Variants in CSGALNACT1 observed in about 807,000 individuals in gnomAD.
CSGALNACT1 encodes beta4GalNAcT-1.
Under a neutral mutation model 51.0 loss-of-function variants are expected in CSGALNACT1, and 52 were observed. That is an observed-to-expected ratio of 1.02 (90% CI 0.82 to 1.29). The LOEUF (loss-of-function observed/expected upper bound fraction) is 1.29, where lower values mean the gene tolerates loss of function less well. Ranked by LOEUF, CSGALNACT1 falls within the 50% of genes most tolerant of loss-of-function variation. The pLI is 0.00. For missense variants in CSGALNACT1, 935 were observed against 679.2 expected (o/e 1.38, Z -4.19); for synonymous variants, 341 against 254.4 (o/e 1.34, Z -3.24).
At chr8:19,626,673 C>T (rs1402196688) in intron 1 of CSGALNACT1, among the ~76,000 whole-genome samples, 4 of 152,256 alleles carry the variant, frequency 2.6e-5, no homozygotes. Context: ...CTGCAAAATA[C>T]ATGTCTGACT....
At chr8:19,511,200 G>C (rs867341693) in intron 3 of CSGALNACT1, among the ~76,000 whole-genome samples, 2 of 152,332 alleles carry the variant, frequency 1.3e-5, no homozygotes, top group Non-Finnish European at 1.5e-5. Flanking sequence ...TATTCAAGGA[G>C]TGGCAATAAA....
At chr8:19,409,392 A>G (rs2055128429) in intron 8 of CSGALNACT1, among the ~76,000 whole-genome samples, 1 of 152,182 alleles carries the variant, frequency 6.6e-6, no homozygotes, top group Admixed American at 6.5e-5. Context: ...AGGGCTGCGG[A>G]GAGGCCATCC....
chr8:19,414,191 T>C (rs973713334), intron 8 of CSGALNACT1, among the ~76,000 whole-genome samples: 3 of 152,168 alleles, frequency 2.0e-5, no homozygotes, highest in Admixed American at 1.3e-4. Flanking sequence ...GGTTGTTAAA[T>C]ATTTACCAGC....
chr8:19,723,383 C>T (rs1414506995), intron 1 of CSGALNACT1, among the ~76,000 whole-genome samples: 1 of 152,218 alleles, frequency 6.6e-6, no homozygotes, highest in Non-Finnish European at 1.5e-5. Context: ...TGTAATTACA[C>T]TTACATCATG....
chr8:19,435,666 G>A (rs12675717), intron 6 of CSGALNACT1, among the ~76,000 whole-genome samples: 69,531 of 151,868 alleles, frequency 0.46, 17,434 homozygotes, highest in East Asian at 0.83. Context: ...CTGGGTCCCA[G>A]GAGTCTGCAT....
chr8:19,658,502 G>C (rs555471328), intron 1 of CSGALNACT1, among the ~76,000 whole-genome samples: 5 of 152,194 alleles, frequency 3.3e-5, no homozygotes, highest in Non-Finnish European at 7.3e-5. Flanking sequence ...GGCAGGCCAA[G>C]GCAGGTGGAT....
intron 1 of CSGALNACT1, among the ~76,000 whole-genome samples, chr8:19,703,309 G>T (rs1036486478): frequency 6.6e-6 from 1 of 152,004 alleles, no homozygotes; most frequent in Non-Finnish European, 1.5e-5. Context: ...TGGTTTGTTG[G>T]TTGGTTGGTT....
intron 4 of CSGALNACT1, among the ~76,000 whole-genome samples, chr8:19,470,087 G>A (rs572193000): frequency 4.6e-5 from 7 of 152,246 alleles, no homozygotes; most frequent in African/African-American, 1.4e-4. Context: ...AAATAGAAAT[G>A]GATAATACAG....
At chr8:19,709,824 G>C (rs909446394) in intron 1 of CSGALNACT1, among the ~76,000 whole-genome samples, 1 of 152,132 alleles carries the variant, frequency 6.6e-6, no homozygotes, top group East Asian at 1.9e-4. Flanking sequence ...TGACAGGCAG[G>C]TCAGGTAAGA....
intron 4 of CSGALNACT1, among the ~76,000 whole-genome samples, chr8:19,484,865 G>C (rs2072459354): frequency 6.6e-6 from 1 of 152,094 alleles, no homozygotes; most frequent in African/African-American, 2.4e-5. Context: ...GGACACACAG[G>C]AGAGACACCA....
chr8:19,675,836 G>A (rs536600635), intron 1 of CSGALNACT1, among the ~76,000 whole-genome samples: 5 of 151,916 alleles, frequency 3.3e-5, no homozygotes, highest in Admixed American at 2.6e-4. Flanking sequence ...AAGGTCTCAG[G>A]TTCATCCAAG....
intron 1 of CSGALNACT1, among the ~76,000 whole-genome samples, chr8:19,718,384 G>A (rs1271142482): frequency 2.0e-5 from 3 of 152,118 alleles, no homozygotes; most frequent in Admixed American, 6.5e-5. Context: ...TTACAGGCGT[G>A]AGCCACCGAG....
At chr8:19,528,341 A>G (rs2154050017) in intron 3 of CSGALNACT1, among the ~76,000 whole-genome samples, 1 of 152,044 alleles carries the variant, frequency 6.6e-6, no homozygotes, top group East Asian at 1.9e-4. Context: ...CGGCAAGGTC[A>G]TGTTATTCCG....
At chr8:19,565,383 A>G (rs750480045) in intron 3 of CSGALNACT1, among the ~76,000 whole-genome samples, 1 of 152,350 alleles carries the variant, frequency 6.6e-6, no homozygotes. Flanking sequence ...TACTTGGCAG[A>G]CTACAAAACT....
intron 3 of CSGALNACT1, among the ~76,000 whole-genome samples, chr8:19,525,267 A>T (rs942984900): frequency 2.0e-5 from 3 of 152,246 alleles, no homozygotes; most frequent in African/African-American, 7.2e-5. Flanking sequence ...TCATTGTGGG[A>T]GGCATCATTA....
At chr8:19,553,885 C>T in intron 3 of CSGALNACT1, among the ~76,000 whole-genome samples, 1 of 146,810 alleles carries the variant, frequency 6.8e-6, no homozygotes, top group East Asian at 2.0e-4. Flanking sequence ...AATCACCGAA[C>T]AAGAAAGAAC....
At chr8:19,569,991 G>C (rs1206298321) in intron 3 of CSGALNACT1, among the ~76,000 whole-genome samples, 2 of 152,104 alleles carry the variant, frequency 1.3e-5, no homozygotes, top group African/African-American at 4.8e-5. Flanking sequence ...TTCAAGAGCA[G>C]GCAAAAGTAA....
chr8:19,669,366 T>C lies in CSGALNACT1; in HGVS notation c.-544+13107A>G, dbSNP rs182938358. ...CATCCCGAGATGGAGGACACTATCA[T>C]AAAAACTACAAACATTCAAAGCACA... is the stretch of plus-strand genomic sequence containing the variant. On this transcript the variant is annotated intron_variant, in intron 1 of 9. Coordinates refer to the CSGALNACT1 transcript ENST00000332246. Among the ~76,000 whole-genome samples the C allele has an allele frequency of 6.0e-4, 91 of 152,354 alleles. 1 individual carries two copies. Among genetic ancestry groups the C allele is most frequent in the Admixed American group, 1.9e-3 (29 of 15,306 alleles).
intron 5 of CSGALNACT1, among the ~76,000 whole-genome samples, chr8:19,451,838 A>G (rs1221863270): frequency 6.6e-6 from 1 of 152,252 alleles, no homozygotes; most frequent in East Asian, 1.9e-4. Context: ...TAGAACTGCA[A>G]GGCGATAGGG....
Sources: gnomAD v4.1 joint callset for allele counts (sites outside exome capture counted in the v4.1 genomes callset) on GRCh38, gnomAD v4.1.1 for gene constraint, MANE v1.5 for transcripts, NCBI Gene and HGNC (gene_info 2026-07-23, HGNC 2026-07-21) for gene names.